KCNQ1: variants seen among roughly 807,000 people sequenced by gnomAD.
The protein encoded by KCNQ1 is potassium voltage-gated channel subfamily Q member 1, also known as potassium voltage-gated channel subfamily KQT member 1.
In KCNQ1, 49 loss-of-function variants were observed where a neutral mutation model predicts 72.4. That is an observed-to-expected ratio of 0.68 (90% confidence interval 0.54 to 0.86). The LOEUF (loss-of-function observed/expected upper bound fraction) is 0.86, where lower values mean the gene tolerates loss of function less well. KCNQ1 is among the 40% of genes least tolerant of loss of function. The probability of loss-of-function intolerance (pLI) is 0.00; values close to 1 mark genes in which losing one functional copy is unlikely to be tolerated. For synonymous variants in KCNQ1, 450 were observed against 412.6 expected, an observed-to-expected ratio of 1.09 and a Z score of -1.10; for missense variants, 790 against 945.1, an observed-to-expected ratio of 0.84 and a Z score of 2.15.
At chr11:2,558,331 C>A (rs1353983108) in intron 2 of KCNQ1, among the ~76,000 whole-genome samples, 1 of 152,276 alleles carries the variant, frequency 6.6e-6, no homozygotes, top group South Asian at 2.1e-4. Flanking sequence ...ATGTGCCTTG[C>A]ACACTGTGTA....
intron 11 of KCNQ1, among the ~76,000 whole-genome samples, chr11:2,732,333 G>A (rs1444498169): frequency 6.6e-6 from 1 of 152,154 alleles, no homozygotes; most frequent in African/African-American, 2.4e-5. Flanking sequence ...TGGGCACTGC[G>A]AAGACCCTCG....
intron 1 of KCNQ1, among the ~76,000 whole-genome samples, chr11:2,519,477 G>A (rs569880022): frequency 9.2e-5 from 14 of 152,278 alleles, no homozygotes; most frequent in African/African-American, 2.2e-4. Context: ...ACATGAGGCC[G>A]GGCATGGTGG....
At position 2,781,079 on chromosome 11, in the gene KCNQ1, C is replaced by T. The variant is rs1038244066; in HGVS notation, c.1794+3042C>T. ...AGTCTACTTCCTGCGGGCCTCCCTC[C>T]CCTGTCAAATGAGAGGGTTTGACTC... On this transcript the variant is annotated intron_variant, in intron 15 of 15. Transcript: ENST00000155840. The surrounding 1 kb of genome is among the most constrained non-coding windows in gnomAD (Gnocchi z 6.6). Among the ~76,000 whole-genome samples, 1 of 152,128 alleles carries T rather than the reference C, an allele frequency of 6.6e-6. No individual in the cohort carries two copies. Among genetic ancestry groups the T allele is most frequent in the Non-Finnish European group, 1.5e-5 (1 of 68,028 alleles).
intron 2 of KCNQ1, among the ~76,000 whole-genome samples, chr11:2,555,528 G>C (rs893626731): frequency 6.6e-6 from 1 of 152,210 alleles, no homozygotes. Flanking sequence ...GGGCGTCTCC[G>C]GGCCATGGGC....
chr11:2,741,942 G>T (rs1015301309), intron 11 of KCNQ1, among the ~76,000 whole-genome samples: 1 of 152,176 alleles, frequency 6.6e-6, no homozygotes, highest in Admixed American at 6.5e-5. Flanking sequence ...CCCCAGCAGC[G>T]CCCCTCCTAT....
chr11:2,570,501 G>T, intron 2 of KCNQ1, 127 bp from the exon 3 acceptor site: 2 of 1,274,226 alleles, frequency 1.6e-6, no homozygotes, highest in Non-Finnish European at 2.2e-6. Flanking sequence ...GCCAGGACCC[G>T]GGCCTGCTGT....
intron 10 of KCNQ1, chr11:2,630,134 T>G (rs991876842): frequency 1.3e-5 from 5 of 398,296 alleles, no homozygotes. Context: ...TGGAAGGATG[T>G]TGAATTATGT....
chr11:2,527,245 C>T, intron 1 of KCNQ1, among the ~76,000 whole-genome samples: 1 of 152,140 alleles, frequency 6.6e-6, no homozygotes, highest in East Asian at 1.9e-4. Flanking sequence ...GAGAGCGGCC[C>T]ACAGCCTGCC....
intron 1 of KCNQ1, among the ~76,000 whole-genome samples, chr11:2,506,089 T>C (rs1847099864): frequency 6.6e-6 from 1 of 152,176 alleles, no homozygotes; most frequent in Admixed American, 6.5e-5. Flanking sequence ...CACTCCTACG[T>C]TTACTGCGGC....
chr11:2,523,525 C>T (rs773545504), intron 1 of KCNQ1, among the ~76,000 whole-genome samples: 1 of 152,150 alleles, frequency 6.6e-6, no homozygotes, highest in Non-Finnish European at 1.5e-5. Context: ...ATGCTGTGGC[C>T]GAGGTCACCA....
Position 2,457,874 on chromosome 11 carries a change from A to G in KCNQ1, c.386+12390A>G, listed in dbSNP as rs1846219580. On this transcript the variant is annotated intron_variant, in intron 1 of 15. Transcript: ENST00000155840. This position sits in a 1 kb window ranked among gnomAD's most constrained non-coding sequence, Gnocchi z 5.0. ...TTACGCAAAAATCCTCCATCCCTGC[A>G]TTTGAATGAGGACTATCAGTATGCA... is the stretch of plus-strand genomic sequence containing the variant. Among the ~76,000 whole-genome samples, 1 of 151,940 alleles carries G rather than the reference A, an allele frequency of 6.6e-6. No individual in the cohort carries two copies. The highest frequency in any genetic ancestry group is 2.4e-5 in the African/African-American group (1 of 41,372).
Position 2,746,367 on chromosome 11 carries a change from G to A in KCNQ1, c.1515-22477G>A, listed in dbSNP as rs1378530813. 6.6e-6 allele frequency among the ~76,000 whole-genome samples: 1 copy of A among 152,210 alleles called. No homozygotes were observed. The highest frequency in any genetic ancestry group is 1.5e-5 in the Non-Finnish European group (1 of 68,040). Reference sequence around the variant, plus strand: ...AAGGAAACAACAGTGCTACATGACTGTTAACTGAGTCCATGCTTGATGCAG... The same window carrying A: ...AAGGAAACAACAGTGCTACATGACTATTAACTGAGTCCATGCTTGATGCAG... On this transcript the variant is annotated intron_variant, in intron 11 of 15. Transcript: ENST00000155840. This position sits in a 1 kb window ranked among gnomAD's most constrained non-coding sequence, Gnocchi z 5.9.
In KCNQ1 at chr11:2,541,053, G is replaced by A. The variant is rs527422155; in HGVS notation, c.477+13035G>A. 1.5e-4 allele frequency among the ~76,000 whole-genome samples: 23 copies of A among 152,178 alleles called. No individual in the cohort carries two copies. Among genetic ancestry groups the A allele is most frequent in the Non-Finnish European group, 2.2e-4 (15 of 67,862 alleles). ...TAGGTACCCATGTGGACACACTCAC[G>A]TGTGTGTGCACGTTCAGGCTCAGAC... On this transcript the variant is annotated intron_variant, in intron 2 of 15. Transcript: ENST00000155840. The surrounding 1 kb of genome is among the most constrained non-coding windows in gnomAD (Gnocchi z 4.8).
At chr11:2,571,594 C>T (rs561922173) in intron 4 of KCNQ1, among the ~76,000 whole-genome samples, 191 bp downstream of exon 4, 12 of 152,210 alleles carry the variant, frequency 7.9e-5, no homozygotes, top group African/African-American at 2.4e-4. Context: ...GTGGAGGGCA[C>T]GGCTCAACCC....
chr11:2,775,676 G>T (rs1258054795), intron 12 of KCNQ1, among the ~76,000 whole-genome samples: 3 of 152,214 alleles, frequency 2.0e-5, no homozygotes, highest in African/African-American at 7.2e-5. Context: ...GTGGTGGGGG[G>T]TGGAAGGGAG....
chr11:2,776,897 G>A, intron 13 of KCNQ1, 89 bp from the exon 14 acceptor site: 1 of 1,305,564 alleles, frequency 7.7e-7, no homozygotes. Context: ...GTCTTGCCGG[G>A]CACGTCAAGC....
At chr11:2,561,813 C>T (rs555297119) in intron 2 of KCNQ1, among the ~76,000 whole-genome samples, 5 of 152,226 alleles carry the variant, frequency 3.3e-5, no homozygotes, top group Admixed American at 2.6e-4. Flanking sequence ...AGAAGCCCTC[C>T]CCTCCGAGGA....
chr11:2,486,465 A>G lies in KCNQ1; in HGVS notation c.386+40981A>G, dbSNP rs975996512. Among the ~76,000 whole-genome samples the G allele has an allele frequency of 2.0e-5, 3 of 152,120 alleles. No individual in the cohort carries two copies. The highest frequency in any genetic ancestry group is 7.2e-5 in the African/African-American group (3 of 41,428). On this transcript the variant is annotated intron_variant, in intron 1 of 15. Coordinates refer to ENST00000155840, the MANE Select transcript of KCNQ1 (RefSeq NM_000218.3). This position sits in a 1 kb window ranked among gnomAD's most constrained non-coding sequence, Gnocchi z 5.0. Reference sequence around the variant, plus strand: ...TGTGGGGTGCCTTTTTACTCCGTTGATAGTGTCTTTGTACAAAAATTTTTA... The same window carrying G: ...TGTGGGGTGCCTTTTTACTCCGTTGGTAGTGTCTTTGTACAAAAATTTTTA...
chr11:2,838,869 C>T (rs1409558893), intron 15 of KCNQ1, among the ~76,000 whole-genome samples: 9 of 152,262 alleles, frequency 5.9e-5, no homozygotes, highest in South Asian at 4.1e-4. Context: ...CAGGAGGCAG[C>T]GGCAGAGAAT....
Sources: allele counts gnomAD v4.1 joint callset (sites outside exome capture counted in the v4.1 genomes callset), GRCh38; gene constraint gnomAD v4.1.1; non-coding constraint Gnocchi (gnomAD v3.1); transcripts MANE v1.5; gene names NCBI Gene and HGNC (gene_info 2026-07-23, HGNC 2026-07-21).